PCDHGA9: variants seen among roughly 807,000 people sequenced by gnomAD.
PCDHGA9 encodes the protein protocadherin gamma subfamily A, 9, also known as protocadherin gamma-A9.
Under a neutral mutation model 62.5 loss-of-function variants are expected in PCDHGA9, and 37 were observed. That is an observed-to-expected ratio of 0.59 (90% CI 0.46 to 0.78). The LOEUF (loss-of-function observed/expected upper bound fraction) is 0.78, where lower values mean the gene tolerates loss of function less well. Ranked by LOEUF, PCDHGA9 falls within the 30% of genes least tolerant of loss-of-function variation. The pLI is 0.00. For missense variants in PCDHGA9, 1,138 were observed against 1,166.2 expected, an observed-to-expected ratio of 0.98 and a Z score of 0.35; for synonymous variants, 459 against 484.6, an observed-to-expected ratio of 0.95 and a Z score of 0.69.
At chr5:141,467,214 G>A (rs1333148694) in intron 1 of PCDHGA9, among the ~76,000 whole-genome samples, 1 of 151,856 alleles carries the variant, frequency 6.6e-6, no homozygotes, top group Admixed American at 6.6e-5. Context: ...CACCATGCCT[G>A]GCTAATTTTT....
chr5:141,417,851 G>T (rs1196210157), intron 1 of PCDHGA9: 1 of 1,543,508 alleles, frequency 6.5e-7, no homozygotes. Flanking sequence ...GCGAGAACCC[G>T]AGCGAACGAT....
chr5:141,408,372 G>A, intron 1 of PCDHGA9: 2 of 1,614,024 alleles, frequency 1.2e-6, no homozygotes, highest in African/African-American at 1.3e-5. Flanking sequence ...CTAGGGCTCA[G>A]TGTCCTGGAT....
At chr5:141,510,335 AC>A (rs1247622083) in intron 3 of PCDHGA9, among the ~76,000 whole-genome samples, 1 of 149,138 alleles carries the variant, frequency 6.7e-6, no homozygotes, top group African/African-American at 2.5e-5. Context: ...CTTCACCCCC[AC>A]CCCACACACT....
chr5:141,449,592 A>C (rs1344646010), intron 1 of PCDHGA9, among the ~76,000 whole-genome samples: 1 of 150,266 alleles, frequency 6.7e-6, no homozygotes, highest in African/African-American at 2.4e-5. Context: ...CTGTCTCAAA[A>C]AAAAAAAAAA....
intron 1 of PCDHGA9, among the ~76,000 whole-genome samples, chr5:141,453,193 A>G (rs2098757675): frequency 6.6e-6 from 1 of 152,142 alleles, no homozygotes; most frequent in Admixed American, 6.5e-5. Context: ...AGCTCACTGC[A>G]GCCTCAACCT....
rs887708182 is a variant in PCDHGA9 at position 141,404,569 on chromosome 5, C to T, written c.1617C>T (p.Ser539=). The change falls in exon 1 of 4, where the codon AGC becomes AGT. Residue 539 remains serine (S), a synonymous_variant. Coordinates refer to ENST00000573521, the MANE Select transcript of PCDHGA9 (RefSeq NM_018921.3). ...AGGTGACGGCAAGTGACAGTGGAAG[C>T]CCACCACTTAGCAGCAATGTGTCAT... is the stretch of plus-strand genomic sequence containing the variant. ...QMQVTASDSG[S]PPLSSNVSLR... is the part of the protein sequence containing the mutation. 1 of 1,613,608 alleles carries T rather than the reference C, an allele frequency of 6.2e-7. No homozygotes were observed. The highest frequency in any genetic ancestry group is 1.3e-5 in the African/African-American group (1 of 75,050).
In PCDHGA9 at chr5:141,511,149, G is replaced by T; in HGVS notation, c.2775G>T (p.Lys925Asn). The change falls in exon 4 of 4, where the codon AAG becomes AAT. Residue 925 changes from lysine to asparagine, a missense_variant. By Grantham distance (94) the Lys-to-Asn change is moderately conservative. Transcript: ENST00000573521. ...APAGGNGNKKKSGKKEKK is the reference protein window; with the variant it reads ...APAGGNGNKKNSGKKEKK The stretch of plus-strand genomic sequence containing the variant: ...CAGGTGGCAATGGCAACAAGAAGAA[G>T]TCGGGCAAGAAGGAGAAGAAGTAAC... 1 of 1,614,176 alleles carries T rather than the reference G, an allele frequency of 6.2e-7. No homozygotes were observed. The highest frequency in any genetic ancestry group is 8.5e-7 in the Non-Finnish European group (1 of 1,179,998).
chr5:141,495,603 C>T (rs2099762369), intron 2 of PCDHGA9, among the ~76,000 whole-genome samples: 1 of 152,238 alleles, frequency 6.6e-6, no homozygotes, highest in Non-Finnish European at 1.5e-5. Flanking sequence ...TAGCTTCCGT[C>T]TTGATTGCTG....
chr5:141,419,776 C>A (rs965350189), intron 1 of PCDHGA9: 3 of 1,613,908 alleles, frequency 1.9e-6, no homozygotes, highest in African/African-American at 2.7e-5. Flanking sequence ...ACTCGGTCCG[C>A]CAGCGCCTGC....
At chr5:141,437,264 A>G (rs2097872616) in intron 1 of PCDHGA9, among the ~76,000 whole-genome samples, 2 of 152,228 alleles carry the variant, frequency 1.3e-5, no homozygotes, top group South Asian at 2.1e-4. Context: ...TTTTATGTGT[A>G]TGACAGATGT....
At chr5:141,413,432 G>A (rs1193674962) in intron 1 of PCDHGA9, 1 of 1,613,992 alleles carries the variant, frequency 6.2e-7, no homozygotes, top group African/African-American at 1.3e-5. Flanking sequence ...CCGCGCAGCG[G>A]CAGCTTGATC....
At chr5:141,440,770 G>A (rs2098199385) in intron 1 of PCDHGA9, 1 of 152,176 alleles carries the variant, frequency 6.6e-6, no homozygotes, top group African/African-American at 2.4e-5. Flanking sequence ...CCATCCCTTA[G>A]TGCTAGCAGC....
chr5:141,425,695 T>C (rs1329762653), intron 1 of PCDHGA9, among the ~76,000 whole-genome samples: 1 of 152,232 alleles, frequency 6.6e-6, no homozygotes, highest in Non-Finnish European at 1.5e-5. Context: ...TATCATTTCA[T>C]AGTGGTCAAA....
At chr5:141,483,988 G>A (rs78891657) in intron 1 of PCDHGA9, among the ~76,000 whole-genome samples, 1,520 of 149,036 alleles carry the variant, frequency 0.01, 30 homozygotes, top group African/African-American at 0.037. Flanking sequence ...TAGCTAGGTT[G>A]CTGGGAGGTC....
chr5:141,481,021 GC>G (rs2099529893), intron 1 of PCDHGA9, among the ~76,000 whole-genome samples: 1 of 152,076 alleles, frequency 6.6e-6, no homozygotes, highest in Non-Finnish European at 1.5e-5. Context: ...TCACACCACT[GC>G]ACTCCAGCCT....
At chr5:141,407,708 G>C (rs2094972839) in intron 1 of PCDHGA9, among the ~76,000 whole-genome samples, 1 of 152,106 alleles carries the variant, frequency 6.6e-6, no homozygotes, top group African/African-American at 2.4e-5. Flanking sequence ...TGAAGGTGGG[G>C]TGATGGCTAT....
intron 1 of PCDHGA9, among the ~76,000 whole-genome samples, chr5:141,464,370 T>C (rs1239284694): frequency 6.6e-6 from 1 of 151,828 alleles, no homozygotes. Context: ...CCAATATTTT[T>C]GCAATATAAA....
Position 141,485,291 on chromosome 5 carries a change from CAGGA to C in PCDHGA9, c.2425-9512_2425-9509del. ...CCGCTACCCGGTCCCAGAGGAGTCA[CAGGA>C]AGGGACTTTTGTAGGGAATGTCGCT... On this transcript the variant is annotated intron_variant, in intron 1 of 3. Transcript: ENST00000573521. The surrounding 1 kb of genome is among the most constrained non-coding windows in gnomAD (Gnocchi z 5.7). 1 of 1,614,152 alleles carries C rather than the reference CAGGA, an allele frequency of 6.2e-7. No individual in the cohort carries two copies. Among genetic ancestry groups the C allele is most frequent in the Non-Finnish European group, 8.5e-7 (1 of 1,179,992 alleles).
chr5:141,491,414 G>C lies in PCDHGA9; in HGVS notation c.2425-3393G>C, dbSNP rs137987971. 35 of 1,614,008 alleles carry C rather than the reference G, an allele frequency of 2.2e-5. No homozygotes were observed. Among genetic ancestry groups the C allele is most frequent in the African/African-American group, 1.3e-4 (10 of 74,910 alleles). On this transcript the variant is annotated intron_variant, in intron 1 of 3. Coordinates refer to ENST00000573521, the MANE Select transcript of PCDHGA9 (RefSeq NM_018921.3). The surrounding 1 kb of genome is among the most constrained non-coding windows in gnomAD (Gnocchi z 6.9). ...CTTCAGGGAAACGCAGACGGGGACG[G>C]GGGTGGAGGGCAGTGCTGCAGGCGC...
Sources: gnomAD v4.1 joint callset for allele counts (sites outside exome capture counted in the v4.1 genomes callset) on GRCh38, gnomAD v4.1.1 for gene constraint, Gnocchi (gnomAD v3.1) non-coding constraint, MANE v1.5 for transcripts, NCBI Gene and HGNC (gene_info 2026-07-23, HGNC 2026-07-21) for gene names.